Variants in KCNJ3 observed in about 807,000 individuals in gnomAD.
KCNJ3 encodes the protein G protein-activated inward rectifier potassium channel 1.
Under a neutral mutation model 39.2 loss-of-function variants are expected in KCNJ3, and 4 were observed. The ratio of observed to expected loss-of-function variants is 0.10; its 90% CI spans 0.05 to 0.23. KCNJ3 has a LOEUF of 0.23. Ranked by LOEUF, KCNJ3 falls within the 10% of genes least tolerant of loss-of-function variation. The pLI, the probability that KCNJ3 is intolerant of heterozygous loss-of-function variation, is 1.00. For synonymous variants in KCNJ3, 230 were observed against 237.4 expected (o/e 0.97, Z 0.29); for missense variants, 276 against 634.9 (o/e 0.43, Z 6.08).
At chr2:154,719,047 G>A (rs539938363) in intron 2 of KCNJ3, among the ~76,000 whole-genome samples, 114 of 152,190 alleles carry the variant, frequency 7.5e-4, no homozygotes, top group African/African-American at 2.5e-3. Flanking sequence ...CATTTCCAGA[G>A]TTTTTTCAAG....
At chr2:154,771,206 A>G (rs1453285233) in intron 2 of KCNJ3, among the ~76,000 whole-genome samples, 1 of 152,034 alleles carries the variant, frequency 6.6e-6, no homozygotes. Flanking sequence ...GATAATTTTC[A>G]ATGGTTATTT....
In KCNJ3 at chr2:154,799,033, G is replaced by A. The variant is rs116236920; in HGVS notation, c.920-55694G>A. On this transcript the variant is annotated intron_variant, in intron 2 of 2. Coordinates refer to ENST00000295101, the MANE Select transcript of KCNJ3 (RefSeq NM_002239.4). ...GTGTGTTGAAGTGGGAGAGAAACAG[G>A]GATGAGTACATTAGATGGTAGATCT... Among the ~76,000 whole-genome samples the A allele has an allele frequency of 8.0e-3, 1,220 of 151,918 alleles. 10 individuals carry two copies. Among genetic ancestry groups the A allele is most frequent in the African/African-American group, 0.028 (1,140 of 41,444 alleles).
intron 2 of KCNJ3, among the ~76,000 whole-genome samples, chr2:154,751,993 T>C (rs1685852618): frequency 6.6e-6 from 1 of 152,082 alleles, no homozygotes; most frequent in African/African-American, 2.4e-5. Flanking sequence ...AATTGGGGGT[T>C]AGAGTTTTAA....
At chr2:154,791,712 A>G (rs1259839604) in intron 2 of KCNJ3, among the ~76,000 whole-genome samples, 1 of 152,074 alleles carries the variant, frequency 6.6e-6, no homozygotes, top group Admixed American at 6.6e-5. Flanking sequence ...AGCCTTTAGT[A>G]TTAGTCCACA....
At chr2:154,708,063 C>G (rs1685042864) in intron 1 of KCNJ3, among the ~76,000 whole-genome samples, 1 of 152,118 alleles carries the variant, frequency 6.6e-6, no homozygotes, top group Non-Finnish European at 1.5e-5. Context: ...TTTGCACCAT[C>G]AGATTTTTCA....
chr2:154,828,718 C>G (rs1687311530), intron 2 of KCNJ3, among the ~76,000 whole-genome samples: 1 of 152,106 alleles, frequency 6.6e-6, no homozygotes, highest in African/African-American at 2.4e-5. Flanking sequence ...GGTGATAAAT[C>G]TCTTTTAAAC....
chr2:154,715,562 C>T, intron 2 of KCNJ3, among the ~76,000 whole-genome samples: 1 of 152,172 alleles, frequency 6.6e-6, no homozygotes, highest in East Asian at 1.9e-4. Context: ...TATGCAAGTG[C>T]TATTAAATGC....
chr2:154,818,891 T>TAGAGCTTGA (rs1002000770), intron 2 of KCNJ3, among the ~76,000 whole-genome samples: 2 of 139,240 alleles, frequency 1.4e-5, no homozygotes, highest in Non-Finnish European at 3.1e-5. Context: ...AGAAATCCAA[T>TAGAGCTTGA]AGAGCTTGAG....
chr2:154,838,917 TCA>T (rs1687519385), intron 2 of KCNJ3, among the ~76,000 whole-genome samples: 1 of 130,956 alleles, frequency 7.6e-6, no homozygotes, highest in Non-Finnish European at 1.8e-5. Context: ...CCTGGATGTT[TCA>T]TTTTTTTAAG....
At chr2:154,785,865 T>C (rs1326985429) in intron 2 of KCNJ3, among the ~76,000 whole-genome samples, 1 of 152,200 alleles carries the variant, frequency 6.6e-6, no homozygotes, top group Non-Finnish European at 1.5e-5. Context: ...ACCTATTTAA[T>C]GTCCTTATCT....
chr2:154,855,745 G>T lies in KCNJ3; in HGVS notation c.*432G>T. On this transcript the variant is annotated 3_prime_UTR_variant, in exon 3 of 3. Transcript: ENST00000295101. ...TAAATATATGTCTGTGTGTGTGTGT[G>T]TATGTATACACACATATACATATAT... 6.4e-6 allele frequency: 1 copy of T among 155,490 alleles called. No homozygotes were observed. The highest frequency in any genetic ancestry group is 6.2e-5 in the Admixed American group (1 of 16,044). The allele number at this position is 155,490 out of a possible 1,614,324, so 9.6% of individuals were successfully genotyped here. A position where few individuals can be genotyped will look rare whatever the true frequency, so the allele number is the denominator to read the frequency against.
intron 2 of KCNJ3, among the ~76,000 whole-genome samples, chr2:154,777,647 G>A (rs1045167986): frequency 6.6e-6 from 1 of 152,076 alleles, no homozygotes; most frequent in African/African-American, 2.4e-5. Flanking sequence ...CACCCCCACT[G>A]TGTGGTATAT....
At chr2:154,767,092 C>T (rs1323446535) in intron 2 of KCNJ3, among the ~76,000 whole-genome samples, 2 of 152,046 alleles carry the variant, frequency 1.3e-5, no homozygotes, top group African/African-American at 4.8e-5. Flanking sequence ...AATTTTCACT[C>T]ATTTGTACCA....
rs1217821373 is a variant in KCNJ3, at chr2:154,854,815, A to G, written c.1008A>G (p.Gly336=). 1 of 1,613,868 alleles carries G rather than the reference A, an allele frequency of 6.2e-7. No individual in the cohort carries two copies. Among genetic ancestry groups the G allele is most frequent in the African/African-American group, 1.3e-5 (1 of 74,996 alleles). The change falls in exon 3 of 3, where the codon GGA becomes GGG. Residue 336 remains glycine, a synonymous_variant. Transcript: ENST00000295101. ...RFFPVISLEE[G]FFKVDYSQFH... ...TTCCTGTAATTTCCTTAGAAGAGGGATTCTTTAAAGTTGATTACTCCCAGT... is the reference window on the plus strand; with the variant it reads ...TTCCTGTAATTTCCTTAGAAGAGGGGTTCTTTAAAGTTGATTACTCCCAGT...
At chr2:154,788,627 C>T (rs922004702) in intron 2 of KCNJ3, among the ~76,000 whole-genome samples, 1 of 152,004 alleles carries the variant, frequency 6.6e-6, no homozygotes, top group Non-Finnish European at 1.5e-5. Flanking sequence ...TAGCCAGTAA[C>T]ACTTGTTATT....
chr2:154,768,985 T>C (rs1686185723), intron 2 of KCNJ3, among the ~76,000 whole-genome samples: 1 of 152,192 alleles, frequency 6.6e-6, no homozygotes, highest in South Asian at 2.1e-4. Context: ...TGGCTCTCTG[T>C]TTGTCTGTTA....
intron 2 of KCNJ3, among the ~76,000 whole-genome samples, chr2:154,843,602 A>G (rs969246480): frequency 1.3e-5 from 2 of 151,694 alleles, no homozygotes; most frequent in African/African-American, 4.9e-5. Context: ...ATCTTTTCAC[A>G]TAATCCCATA....
At chr2:154,854,280 A>C (rs1344830167) in intron 2 of KCNJ3, among the ~76,000 whole-genome samples, 3 of 152,224 alleles carry the variant, frequency 2.0e-5, no homozygotes, top group African/African-American at 7.2e-5. Flanking sequence ...CTGCAGAAGA[A>C]TAAAGTGATA....
intron 2 of KCNJ3, among the ~76,000 whole-genome samples, chr2:154,822,642 T>C (rs1033668891): frequency 6.6e-6 from 1 of 152,140 alleles, no homozygotes; most frequent in Admixed American, 6.6e-5. Context: ...CATACCTATT[T>C]GATTACAGGA....
Sources: gnomAD v4.1 joint callset for allele counts (sites outside exome capture counted in the v4.1 genomes callset) on GRCh38, gnomAD v4.1.1 for gene constraint, MANE v1.5 for transcripts, NCBI Gene and HGNC (gene_info 2026-07-23, HGNC 2026-07-21) for gene names.